The following MEI4 variants were observed in gnomAD, a reference collection of about 807,000 sequenced individuals.
MEI4 encodes the protein meiotic double-stranded break formation protein 4.
A neutral mutation model predicts 31.4 loss-of-function variants in MEI4; 27 were observed. The observed-to-expected ratio is 0.86, with a 90% confidence interval of 0.63 to 1.19. The LOEUF (loss-of-function observed/expected upper bound fraction) is 1.19. MEI4 is among the 50% of genes most tolerant of loss of function. MEI4 has a pLI of 0.00. For missense variants in MEI4, 329 were observed against 398.9 expected (o/e 0.82, Z 1.49); for synonymous variants, 122 against 145.4 (o/e 0.84, Z 1.16).
chr6:77,755,825 G>GGTGTGTGTGTGTGTGTGTGTGTGTGTGT (rs34181852), intron 2 of MEI4, among the ~76,000 whole-genome samples: 23 of 145,264 alleles, frequency 1.6e-4, no homozygotes, highest in African/African-American at 5.3e-4. Flanking sequence ...GTGCTGGAAT[G>GGTGTGTGTGTGTGTGTGTGTGTGTGTGT]GTGTGTGTGT....
chr6:77,780,381 G>A (rs969348910), intron 3 of MEI4, among the ~76,000 whole-genome samples: 2 of 152,068 alleles, frequency 1.3e-5, no homozygotes, highest in Admixed American at 6.6e-5. Flanking sequence ...TTGACTCAAA[G>A]CCTTTGTCAT....
In MEI4 at chr6:77,868,499, CTACATATA is replaced by C. The variant is rs1263330163; in HGVS notation, c.900+39440_900+39447del. ...GGAAAAAACTTCCATGTAAAAAATA[CTACATATA>C]TATATATATATATATATATATGCAG... On this transcript the variant is annotated intron_variant, in intron 4 of 4. Coordinates refer to ENST00000684080, the MANE Select transcript of MEI4 (RefSeq NM_001322247.2). Among the ~76,000 whole-genome samples, 25 of 61,730 alleles carry C rather than the reference CTACATATA, an allele frequency of 4.0e-4. 2 individuals are homozygous for C. The highest frequency in any genetic ancestry group is 2.8e-3 in the South Asian group (4 of 1,426). The allele number at this position is 61,730 out of a possible 152,430, so 40.5% of individuals were successfully genotyped here.
At chr6:77,733,030 A>T (rs1767058328) in intron 2 of MEI4, among the ~76,000 whole-genome samples, 2 of 151,880 alleles carry the variant, frequency 1.3e-5, no homozygotes, top group African/African-American at 4.8e-5. Flanking sequence ...TCGTTTTGCC[A>T]GTATTTTATT....
chr6:77,693,218 A>C (rs1163780241), intron 2 of MEI4, among the ~76,000 whole-genome samples: 1 of 152,060 alleles, frequency 6.6e-6, no homozygotes, highest in South Asian at 2.1e-4. Context: ...CCTTTTTGAT[A>C]ATGGGCTCTT....
intron 2 of MEI4, among the ~76,000 whole-genome samples, chr6:77,754,013 A>C (rs145486979): frequency 1.2e-4 from 18 of 152,142 alleles, no homozygotes; most frequent in African/African-American, 4.3e-4. Flanking sequence ...AGAAAACCAA[A>C]CACCGCATGT....
chr6:77,824,243 C>T (rs1769892740), intron 3 of MEI4, among the ~76,000 whole-genome samples: 1 of 152,170 alleles, frequency 6.6e-6, no homozygotes, highest in Admixed American at 6.5e-5. Context: ...GCGCGTGCCA[C>T]CATCCCCAGC....
intron 1 of MEI4, among the ~76,000 whole-genome samples, chr6:77,673,322 A>T (rs1332687404): frequency 6.6e-6 from 1 of 152,212 alleles, no homozygotes; most frequent in East Asian, 1.9e-4. Flanking sequence ...TGTGCCAGGT[A>T]TTATCATAAG....
chr6:77,684,393 T>C (rs1769014178), intron 1 of MEI4, among the ~76,000 whole-genome samples: 1 of 152,098 alleles, frequency 6.6e-6, no homozygotes, highest in Non-Finnish European at 1.5e-5. Context: ...TAGGAACACA[T>C]TATTGACTGT....
intron 2 of MEI4, among the ~76,000 whole-genome samples, chr6:77,715,618 G>A (rs1766562413): frequency 6.6e-6 from 1 of 152,074 alleles, no homozygotes; most frequent in Non-Finnish European, 1.5e-5. Context: ...GCAGAATCAA[G>A]CATATGGCTT....
intron 3 of MEI4, among the ~76,000 whole-genome samples, chr6:77,801,178 T>C (rs1043249329): frequency 1.3e-5 from 2 of 152,204 alleles, no homozygotes; most frequent in African/African-American, 4.8e-5. Flanking sequence ...GAGCCTGTTT[T>C]TGGTCTATTC....
chr6:77,745,356 A>C (rs1270722221), intron 2 of MEI4, among the ~76,000 whole-genome samples: 2 of 152,198 alleles, frequency 1.3e-5, no homozygotes, highest in African/African-American at 2.4e-5. Context: ...ACCAACAAAG[A>C]TCAAAAGACA....
chr6:77,922,431 G>T (rs921108184), intron 4 of MEI4, among the ~76,000 whole-genome samples: 4 of 151,654 alleles, frequency 2.6e-5, no homozygotes, highest in Non-Finnish European at 4.4e-5. Flanking sequence ...ATTAGCTAAT[G>T]ATAAAGCCAG....
intron 2 of MEI4, among the ~76,000 whole-genome samples, chr6:77,713,953 T>A (rs1766523667): frequency 6.6e-6 from 1 of 152,178 alleles, no homozygotes; most frequent in Non-Finnish European, 1.5e-5. Context: ...TTCCCATCAT[T>A]TAGCTCCTAC....
intron 4 of MEI4, 47 bp from the exon 5 acceptor site, chr6:77,923,042 G>C (rs1258783132): frequency 2.6e-6 from 3 of 1,159,726 alleles, no homozygotes; most frequent in African/African-American, 3.2e-5. Flanking sequence ...ATTTTTCTTA[G>C]GTAATTTATA....
In MEI4 at chr6:77,795,467, C is replaced by T. The variant is rs182495599; in HGVS notation, c.769-33464C>T. 3.0e-4 allele frequency among the ~76,000 whole-genome samples: 46 copies of T among 152,144 alleles called. No homozygotes were observed. The Middle Eastern group carries it at 0.017, about 56-fold the overall frequency. Reference sequence around the variant, plus strand: ...TAAATCACACACACACGTACACACACGCACATGACAATAGAAAAGGAAACA... The same window carrying T: ...TAAATCACACACACACGTACACACATGCACATGACAATAGAAAAGGAAACA... On this transcript the variant is annotated intron_variant, in intron 3 of 4. Transcript: ENST00000684080.
intron 4 of MEI4, among the ~76,000 whole-genome samples, chr6:77,921,264 G>A (rs1302937445): frequency 6.6e-6 from 1 of 151,758 alleles, no homozygotes; most frequent in Non-Finnish European, 1.5e-5. Flanking sequence ...TATAAAGGTG[G>A]CTTCTTCCCT....
chr6:77,783,758 AT>A (rs767687406), intron 3 of MEI4, among the ~76,000 whole-genome samples: 1 of 152,156 alleles, frequency 6.6e-6, no homozygotes, highest in Non-Finnish European at 1.5e-5. Flanking sequence ...CCAGTAGGAT[AT>A]TCTTTTCATG....
chr6:77,755,544 G>T lies in MEI4; in HGVS notation c.233-5586G>T, dbSNP rs1027583468. 4.0e-5 allele frequency among the ~76,000 whole-genome samples: 6 copies of T among 151,892 alleles called. No homozygotes were observed. The South Asian group carries it at 1.2e-3, about 32-fold the overall frequency. On this transcript the variant is annotated intron_variant, in intron 2 of 4. Transcript: ENST00000684080. ...ATCAGTTCTCCTGCCTCAGCCTCCC[G>T]AGTAGCTGAGATTACAGGCACACAC...
At chr6:77,817,375 T>C (rs926013712) in intron 3 of MEI4, among the ~76,000 whole-genome samples, 1 of 152,118 alleles carries the variant, frequency 6.6e-6, no homozygotes, top group African/African-American at 2.4e-5. Context: ...ATTTCATCTG[T>C]AATATCCAGG....
Sources: gnomAD v4.1 joint callset for allele counts (sites outside exome capture counted in the v4.1 genomes callset) on GRCh38, gnomAD v4.1.1 for gene constraint, MANE v1.5 for transcripts, NCBI Gene and HGNC (gene_info 2026-07-23, HGNC 2026-07-21) for gene names.